Variants in CMIP observed in about 807,000 individuals in gnomAD.
CMIP encodes the protein c-Maf inducing protein.
A neutral mutation model predicts 97.3 loss-of-function variants in CMIP; 13 were observed. The ratio of observed to expected loss-of-function variants is 0.13; its 90% CI spans 0.09 to 0.21. The LOEUF (loss-of-function observed/expected upper bound fraction) is 0.21, where lower values mean the gene tolerates loss of function less well. Ranked by LOEUF, CMIP falls within the 10% of genes least tolerant of loss-of-function variation. CMIP has a pLI of 1.00. For missense variants in CMIP, 847 were observed against 1,024.9 expected, an observed-to-expected ratio of 0.83 and a Z score of 2.37; for synonymous variants, 538 against 436.3, an observed-to-expected ratio of 1.23 and a Z score of -2.91.
At chr16:81,470,856 T>G (rs1036340421) in intron 1 of CMIP, among the ~76,000 whole-genome samples, 4 of 152,274 alleles carry the variant, frequency 2.6e-5, no homozygotes, top group African/African-American at 9.6e-5. Context: ...CTCTTCGCTG[T>G]AGCCCTGAAA....
At chr16:81,707,131 C>G in intron 20 of CMIP, 47 bp downstream of exon 20, 2 of 1,532,322 alleles carry the variant, frequency 1.3e-6, no homozygotes, top group Admixed American at 1.7e-5. Context: ...TTCTTCTAGC[C>G]AGCATCTGGA....
At chr16:81,485,478 C>T (rs2089300159) in intron 1 of CMIP, among the ~76,000 whole-genome samples, 1 of 152,226 alleles carries the variant, frequency 6.6e-6, no homozygotes, top group Admixed American at 6.5e-5. Flanking sequence ...TGCTGGACGT[C>T]CCAGCTTGTA....
rs373980834 is a variant in CMIP at position 81,455,939 on chromosome 16, G to A, written c.300+10398G>A. Among the ~76,000 whole-genome samples the A allele has an allele frequency of 3.3e-5, 5 of 152,364 alleles. No individual in the cohort carries two copies. The East Asian group carries it at 7.7e-4, about 24-fold the overall frequency. On this transcript the variant is annotated intron_variant, in intron 1 of 20. Transcript: ENST00000537098. ...GGACACAGTTGGGCACCTTGTAGGC[G>A]ACGCAGGAGTGGCACTCTGCCTCTT...
At chr16:81,526,795 G>T (rs1417660827) in intron 1 of CMIP, among the ~76,000 whole-genome samples, 2 of 152,236 alleles carry the variant, frequency 1.3e-5, no homozygotes, top group Non-Finnish European at 2.9e-5. Context: ...CAGAGGAGCA[G>T]GTTTGCGTTT....
chr16:81,708,915 C>T (rs1405945734), intron 20 of CMIP, among the ~76,000 whole-genome samples: 1 of 152,192 alleles, frequency 6.6e-6, no homozygotes, highest in East Asian at 1.9e-4. Context: ...TTCATGCATA[C>T]ATACGTGTAC....
intron 1 of CMIP, among the ~76,000 whole-genome samples, chr16:81,467,990 G>A (rs1265051729): frequency 1.3e-5 from 2 of 150,446 alleles, no homozygotes; most frequent in African/African-American, 4.9e-5. Flanking sequence ...AGACTCAAGC[G>A]ATCCTCCCAT....
At chr16:81,568,037 GTGTT>G (rs2091013835) in intron 1 of CMIP, among the ~76,000 whole-genome samples, 1 of 84,268 alleles carries the variant, frequency 1.2e-5, no homozygotes, top group East Asian at 3.0e-4. Flanking sequence ...GTGTGTGTGT[GTGTT>G]TTTTTTTTTT....
rs548937531 is a variant in CMIP, at chr16:81,660,837, G to A, written c.682-47G>A. On this transcript the variant is annotated intron_variant, in intron 5 of 20. Transcript: ENST00000537098. ...CCTGGAGATTGTTCGAAGTCTTTCC[G>A]TGGCTATCTACCCCACGGTTCCTGA... 113 of 1,610,052 alleles carry A rather than the reference G, an allele frequency of 7.0e-5. 1 individual carries two copies. The South Asian group carries it at 1.0e-3, about 14-fold the overall frequency.
At chr16:81,501,383 C>T in intron 1 of CMIP, among the ~76,000 whole-genome samples, 1 of 152,230 alleles carries the variant, frequency 6.6e-6, no homozygotes, top group Non-Finnish European at 1.5e-5. Context: ...TCTTTGGCCC[C>T]AGGGGGAGCT....
chr16:81,698,762 C>T (rs760686927), intron 14 of CMIP, among the ~76,000 whole-genome samples: 1 of 152,160 alleles, frequency 6.6e-6, no homozygotes. Flanking sequence ...CACACTGACT[C>T]CCCCTTCCTC....
intron 10 of CMIP, among the ~76,000 whole-genome samples, chr16:81,686,681 C>G (rs1053716369): frequency 1.3e-5 from 2 of 152,198 alleles, no homozygotes; most frequent in African/African-American, 4.8e-5. Context: ...GGCTGCCACT[C>G]TATCGTGGGC....
intron 1 of CMIP, among the ~76,000 whole-genome samples, chr16:81,546,890 A>G (rs557160272): frequency 6.6e-6 from 1 of 152,356 alleles, no homozygotes; most frequent in East Asian, 1.9e-4. Flanking sequence ...AGTGCTCCGT[A>G]GCCACGCGTG....
At chr16:81,624,753 A>C (rs1215644042) in intron 3 of CMIP, among the ~76,000 whole-genome samples, 5 of 152,204 alleles carry the variant, frequency 3.3e-5, no homozygotes, top group African/African-American at 1.2e-4. Flanking sequence ...AGGGTTCCTT[A>C]TGGGGACAGT....
At chr16:81,499,951 GGGCTTCACCT>G in intron 1 of CMIP, among the ~76,000 whole-genome samples, 1 of 152,320 alleles carries the variant, frequency 6.6e-6, no homozygotes, top group East Asian at 1.9e-4. Flanking sequence ...CACGCACTCT[GGGCTTCACCT>G]GGCTCCTCTG....
chr16:81,494,968 A>C (rs1401172524), intron 1 of CMIP, among the ~76,000 whole-genome samples: 1 of 152,176 alleles, frequency 6.6e-6, no homozygotes, highest in Non-Finnish European at 1.5e-5. Flanking sequence ...CAGCTATGTA[A>C]CTAGCCATGG....
intron 1 of CMIP, among the ~76,000 whole-genome samples, chr16:81,554,574 G>A (rs1424557744): frequency 6.6e-6 from 1 of 152,244 alleles, no homozygotes; most frequent in Non-Finnish European, 1.5e-5. Context: ...AAATATGGGT[G>A]TATAATCGAA....
intron 1 of CMIP, among the ~76,000 whole-genome samples, chr16:81,574,941 G>T (rs1240657274): frequency 6.6e-6 from 1 of 152,186 alleles, no homozygotes; most frequent in African/African-American, 2.4e-5. Flanking sequence ...CATTTGCATA[G>T]GGCATTCTCT....
intron 1 of CMIP, among the ~76,000 whole-genome samples, chr16:81,535,814 C>G (rs1023785512): frequency 3.9e-5 from 6 of 152,174 alleles, no homozygotes; most frequent in Non-Finnish European, 7.3e-5. Context: ...AACTGGCTGA[C>G]AAGCTGTTAC....
intron 1 of CMIP, among the ~76,000 whole-genome samples, chr16:81,447,991 C>T (rs1169111183): frequency 1.3e-5 from 2 of 152,220 alleles, no homozygotes; most frequent in East Asian, 1.9e-4. Context: ...AATCTGTCTG[C>T]GTTTTATAGT....
Sources: gnomAD v4.1 joint callset for allele counts (sites outside exome capture counted in the v4.1 genomes callset) on GRCh38, gnomAD v4.1.1 for gene constraint, MANE v1.5 for transcripts, NCBI Gene and HGNC (gene_info 2026-07-23, HGNC 2026-07-21) for gene names.